Variants in KCNQ1 observed in about 807,000 individuals in gnomAD.
KCNQ1 encodes potassium voltage-gated channel subfamily KQT member 1.
In KCNQ1, 49 loss-of-function variants were observed where a neutral mutation model predicts 72.4. The ratio of observed to expected loss-of-function variants is 0.68; its 90% CI spans 0.54 to 0.86. The LOEUF (loss-of-function observed/expected upper bound fraction) is 0.86. Among genes scored for constraint, KCNQ1 ranks in the 40% least tolerant of loss-of-function variants. The pLI, the probability that KCNQ1 is intolerant of heterozygous loss-of-function variation, is 0.00. For synonymous variants in KCNQ1, 450 were observed against 412.6 expected (o/e 1.09, Z -1.10); for missense variants, 790 against 945.1 (o/e 0.84, Z 2.15).
At chr11:2,452,115 C>T (rs891405544) in intron 1 of KCNQ1, among the ~76,000 whole-genome samples, 5 of 152,174 alleles carry the variant, frequency 3.3e-5, no homozygotes, top group South Asian at 4.1e-4. Flanking sequence ...TCCCTGGGGG[C>T]GGGGGCTCTT....
At chr11:2,584,483 G>C (rs897572028) in intron 7 of KCNQ1, among the ~76,000 whole-genome samples, 16 of 150,100 alleles carry the variant, frequency 1.1e-4, no homozygotes, top group Non-Finnish European at 2.2e-4. Context: ...GTTAGTGTTA[G>C]TGTGTGTTAG....
In KCNQ1 at chr11:2,483,487, C is replaced by T. The variant is rs1463981726; in HGVS notation, c.386+38003C>T. Among the ~76,000 whole-genome samples the T allele has an allele frequency of 2.0e-5, 3 of 152,110 alleles. No homozygotes were observed. The highest frequency in any genetic ancestry group is 7.2e-5 in the African/African-American group (3 of 41,420). On this transcript the variant is annotated intron_variant, in intron 1 of 15. Transcript: ENST00000155840. This position sits in a 1 kb window ranked among gnomAD's most constrained non-coding sequence, Gnocchi z 6.1. ...TCAAATCCCGCGTTTTTCTAGCATC[C>T]GGTTTCTGTTCTGTGATCCCCACGT...
rs760510751 is a variant in KCNQ1, at chr11:2,603,751, C to T, written c.1393+14897C>T. Among the ~76,000 whole-genome samples, 8 of 151,908 alleles carry T rather than the reference C, an allele frequency of 5.3e-5. No individual in the cohort carries two copies. Among genetic ancestry groups the T allele is most frequent in the South Asian group, 4.2e-4 (2 of 4,796 alleles). ...TGTCGCCCAGGCTGGAGTGCAGTGG[C>T]GCGATGTCGGCTCACTGCAACCTCC... On this transcript the variant is annotated intron_variant, in intron 10 of 15. Coordinates refer to ENST00000155840, the MANE Select transcript of KCNQ1 (RefSeq NM_000218.3). This position sits in a 1 kb window ranked among gnomAD's most constrained non-coding sequence, Gnocchi z 4.1.
chr11:2,593,298 G>T lies in KCNQ1; in HGVS notation c.1393+4444G>T, dbSNP rs988736355. Among the ~76,000 whole-genome samples the T allele has an allele frequency of 8.5e-5, 13 of 152,236 alleles. 1 individual carries two copies. The highest frequency in any genetic ancestry group is 3.4e-3 in the Middle Eastern group (1 of 294). ...CCCAAATTCACTGGTCCTGGAGGCC[G>T]CCTCAGAGGCCTTTTGCTGCTCAGA... On this transcript the variant is annotated intron_variant, in intron 10 of 15. Coordinates refer to ENST00000155840, the MANE Select transcript of KCNQ1 (RefSeq NM_000218.3). The surrounding 1 kb of genome is among the most constrained non-coding windows in gnomAD (Gnocchi z 6.9).
Position 2,816,977 on chromosome 11 carries a change from G to C in KCNQ1, c.1795-30790G>C, listed in dbSNP as rs1261093176. Among the ~76,000 whole-genome samples, 1 of 152,220 alleles carries C rather than the reference G, an allele frequency of 6.6e-6. No individual in the cohort carries two copies. The highest frequency in any genetic ancestry group is 1.9e-4 in the East Asian group (1 of 5,148). On this transcript the variant is annotated intron_variant, in intron 15 of 15. Coordinates refer to ENST00000155840, the MANE Select transcript of KCNQ1 (RefSeq NM_000218.3). This position sits in a 1 kb window ranked among gnomAD's most constrained non-coding sequence, Gnocchi z 6.8. ...GGTCCCCTCCAAAACCTTGGTCCCT[G>C]TCCGCAGAGGGTGTCAGGGCTTGAG...
At chr11:2,837,929 A>G (rs1329630381) in intron 15 of KCNQ1, among the ~76,000 whole-genome samples, 1 of 152,128 alleles carries the variant, frequency 6.6e-6, no homozygotes, top group African/African-American at 2.4e-5. Flanking sequence ...GCAAGTGGAC[A>G]TTGTGGTGTG....
At position 2,592,961 on chromosome 11, in the gene KCNQ1, C is replaced by A. The variant is rs1042730954; in HGVS notation, c.1393+4107C>A. On this transcript the variant is annotated intron_variant, in intron 10 of 15. Coordinates refer to ENST00000155840, the MANE Select transcript of KCNQ1 (RefSeq NM_000218.3). The surrounding 1 kb of genome is among the most constrained non-coding windows in gnomAD (Gnocchi z 5.2). ...TGCCTGGAACTGTCTTTCCTGGATC[C>A]CAGGAGTCCTGAAGGAGCCGCCTCC... 1.3e-5 allele frequency among the ~76,000 whole-genome samples: 2 copies of A among 152,268 alleles called. No homozygotes were observed. The highest frequency in any genetic ancestry group is 4.8e-5 in the African/African-American group (2 of 41,554).
Position 2,472,578 on chromosome 11 carries a change from C to T in KCNQ1, c.386+27094C>T, listed in dbSNP as rs144667616. On this transcript the variant is annotated intron_variant, in intron 1 of 15. Coordinates refer to ENST00000155840, the MANE Select transcript of KCNQ1 (RefSeq NM_000218.3). ...TGTGGGCTGGAGTCCTGGTCTCTGT[C>T]ACTGAAAAAAGCAAGGCAGAGCGTC... 1.8e-3 allele frequency among the ~76,000 whole-genome samples: 276 copies of T among 152,150 alleles called. 1 individual carries two copies. Among genetic ancestry groups the T allele is most frequent in the African/African-American group, 6.5e-3 (269 of 41,492 alleles).
Position 2,813,880 on chromosome 11 carries a change from A to G in KCNQ1, c.1795-33887A>G, listed in dbSNP as rs1484746631. The stretch of plus-strand genomic sequence containing the variant: ...AGCTGCAGGGAGGGAGGGTTGCAGA[A>G]AGGGATGCGTGGAAGGATGGTTGAT... On this transcript the variant is annotated intron_variant, in intron 15 of 15. Transcript: ENST00000155840. The surrounding 1 kb of genome is among the most constrained non-coding windows in gnomAD (Gnocchi z 4.4). 6.6e-6 allele frequency among the ~76,000 whole-genome samples: 1 copy of G among 151,986 alleles called. No individual in the cohort carries two copies. Among genetic ancestry groups the G allele is most frequent in the East Asian group, 1.9e-4 (1 of 5,170 alleles).
Position 2,621,852 on chromosome 11 carries a change from C to T in KCNQ1, c.1393+32998C>T. 1 of 398,150 alleles carries T rather than the reference C, an allele frequency of 2.5e-6. No individual in the cohort carries two copies. Among genetic ancestry groups the T allele is most frequent in the Non-Finnish European group, 4.4e-6 (1 of 225,902 alleles). 24.7% of individuals were successfully genotyped at this position (398,150 alleles called of 1,614,324 possible). A position where few individuals can be genotyped will look rare whatever the true frequency, so the allele number is the denominator to read the frequency against. On this transcript the variant is annotated intron_variant, in intron 10 of 15. Coordinates refer to ENST00000155840, the MANE Select transcript of KCNQ1 (RefSeq NM_000218.3). This position sits in a 1 kb window ranked among gnomAD's most constrained non-coding sequence, Gnocchi z 5.7. ...TCTTAGTTTTACTGACTTTTTTCCCCTATGGTTTTTCTTTCTAACTTGTCT... is the reference window on the plus strand; with the variant it reads ...TCTTAGTTTTACTGACTTTTTTCCCTTATGGTTTTTCTTTCTAACTTGTCT...
In KCNQ1 at chr11:2,674,005, C is replaced by T. The variant is rs987979321; in HGVS notation, c.1514+11924C>T. On this transcript the variant is annotated intron_variant, in intron 11 of 15. Coordinates refer to ENST00000155840, the MANE Select transcript of KCNQ1 (RefSeq NM_000218.3). This position sits in a 1 kb window ranked among gnomAD's most constrained non-coding sequence, Gnocchi z 5.9. ...GGGGTGGGGTGGGGGGAGGGCCCTC[C>T]GTGCTTTCTGGCTCTTTGGGCCTGG... 2.0e-5 allele frequency: 8 copies of T among 398,108 alleles called. No individual in the cohort carries two copies. Among genetic ancestry groups the T allele is most frequent in the Admixed American group, 1.8e-4 (4 of 22,690 alleles). The allele number at this position is 398,108 out of a possible 1,614,324, so 24.7% of individuals were successfully genotyped here.
intron 11 of KCNQ1, chr11:2,700,038 G>A (rs1211669984): frequency 2.3e-5 from 9 of 398,022 alleles, no homozygotes; most frequent in East Asian, 1.4e-4. Flanking sequence ...CGCCGCTGCC[G>A]ACGTGGCGAC....
At chr11:2,527,760 G>A (rs1438404018) in intron 1 of KCNQ1, among the ~76,000 whole-genome samples, 168 bp from the exon 2 acceptor site, 6 of 152,248 alleles carry the variant, frequency 3.9e-5, no homozygotes, top group South Asian at 2.1e-4. Flanking sequence ...TCCCTCGTGC[G>A]GACCTACCTC....
intron 10 of KCNQ1, among the ~76,000 whole-genome samples, chr11:2,591,580 G>A (rs144128120): frequency 6.6e-6 from 1 of 152,238 alleles, no homozygotes; most frequent in Non-Finnish European, 1.5e-5. Context: ...GGGGGCTGGG[G>A]ACCCAGCCTG....
chr11:2,788,413 A>G (rs1846953681), intron 15 of KCNQ1, among the ~76,000 whole-genome samples: 1 of 152,276 alleles, frequency 6.6e-6, no homozygotes, highest in African/African-American at 2.4e-5. Context: ...GGCAGGACAC[A>G]CTTCCAGGCT....
At chr11:2,763,803 C>G (rs1351021348) in intron 11 of KCNQ1, among the ~76,000 whole-genome samples, 2 of 152,110 alleles carry the variant, frequency 1.3e-5, no homozygotes, top group Non-Finnish European at 2.9e-5. Flanking sequence ...CTCAAGTGAT[C>G]CTCCCACCCC....
intron 1 of KCNQ1, among the ~76,000 whole-genome samples, chr11:2,460,255 G>T (rs955066998): frequency 2.0e-5 from 3 of 152,348 alleles, no homozygotes; most frequent in Non-Finnish European, 2.9e-5. Flanking sequence ...CGGGCAGGGT[G>T]GCTGCAGGGC....
intron 10 of KCNQ1, chr11:2,609,595 A>G: frequency 2.5e-6 from 1 of 398,262 alleles, no homozygotes; most frequent in Non-Finnish European, 4.4e-6. Flanking sequence ...TCTTTCTTGT[A>G]CTACACATTA....
chr11:2,633,900 T>C (rs749987613), intron 10 of KCNQ1: 12 of 398,496 alleles, frequency 3.0e-5, no homozygotes, highest in Non-Finnish European at 4.9e-5. Context: ...GTTTTCACTT[T>C]TGTGAATATT....
Sources: allele counts gnomAD v4.1 joint callset (sites outside exome capture counted in the v4.1 genomes callset), GRCh38; gene constraint gnomAD v4.1.1; non-coding constraint Gnocchi (gnomAD v3.1); transcripts MANE v1.5; gene names NCBI Gene and HGNC (gene_info 2026-07-23, HGNC 2026-07-21).